The following C14orf39 variants were observed in gnomAD, a reference collection of about 807,000 sequenced individuals.
C14orf39 encodes the protein protein SIX6OS1.
C14orf39 carries 66 observed loss-of-function variants against 85.6 expected under a neutral mutation model. That is an observed-to-expected ratio of 0.77 (90% CI 0.63 to 0.95). The LOEUF (loss-of-function observed/expected upper bound fraction) is 0.95, where lower values mean the gene tolerates loss of function less well. Ranked by LOEUF, C14orf39 falls within the 40% of genes least tolerant of loss-of-function variation. The pLI is 0.00. For missense variants in C14orf39, 735 were observed against 663.9 expected (o/e 1.11, Z -1.18); for synonymous variants, 242 against 214.0 (o/e 1.13, Z -1.14).
intron 16 of C14orf39, among the ~76,000 whole-genome samples, chr14:60,446,038 G>A (rs2140034733): frequency 6.6e-6 from 1 of 152,274 alleles, no homozygotes; most frequent in Non-Finnish European, 1.5e-5. Context: ...AAACGTACCA[G>A]AATCTCTGGG....
Position 60,511,147 on chromosome 14 carries a change from G to C in C14orf39, c.-144+4248C>G, listed in dbSNP as rs140601427. 3.0e-4 allele frequency: 478 copies of C among 1,612,896 alleles called. No individual in the cohort carries two copies. The highest frequency in any genetic ancestry group is 3.8e-4 in the Non-Finnish European group (450 of 1,179,902). ...CACTACGGGCGGAGGGCGACGGCAC[G>C]CCAGAGGTGCTGGGCGTCGCCACCA... On this transcript the variant is annotated intron_variant, in intron 1 of 5. Transcript: ENST00000556799.
chr14:60,459,270 C>A (rs776178754), intron 13 of C14orf39, among the ~76,000 whole-genome samples: 67 of 151,848 alleles, frequency 4.4e-4, no homozygotes, highest in Admixed American at 5.9e-4. Flanking sequence ...CACAATACAT[C>A]TATCCATTCT....
At chr14:60,454,934 G>T (rs1891198361) in intron 16 of C14orf39, 67 bp downstream of exon 16, 2 of 1,262,094 alleles carry the variant, frequency 1.6e-6, no homozygotes, top group African/African-American at 3.1e-5. Context: ...TTGTATTAAA[G>T]AACTAAAATT....
At chr14:60,477,040 C>A (rs1172143883) in intron 5 of C14orf39, among the ~76,000 whole-genome samples, 1 of 152,178 alleles carries the variant, frequency 6.6e-6, no homozygotes, top group African/African-American at 2.4e-5. Context: ...TACTTCCCTG[C>A]AGCCTTGATT....
intron 16 of C14orf39, among the ~76,000 whole-genome samples, chr14:60,452,641 A>C (rs985661937): frequency 6.6e-6 from 1 of 152,148 alleles, no homozygotes; most frequent in Non-Finnish European, 1.5e-5. Flanking sequence ...TAAAATAACT[A>C]AAAGTATAAC....
intron 8 of C14orf39, 22 bp from the exon 9 acceptor site, chr14:60,468,558 C>A: frequency 2.9e-6 from 4 of 1,394,332 alleles, no homozygotes; most frequent in African/African-American, 1.5e-5. Flanking sequence ...ATTGGGAACA[C>A]AAAACAAAAT....
At chr14:60,447,147 G>A (rs915273438) in intron 16 of C14orf39, among the ~76,000 whole-genome samples, 5 of 152,282 alleles carry the variant, frequency 3.3e-5, no homozygotes, top group Non-Finnish European at 7.3e-5. Context: ...CACAAGACAA[G>A]GATGCCCTCT....
At chr14:60,481,855 T>A (rs184279633) in intron 4 of C14orf39, among the ~76,000 whole-genome samples, 1 of 152,184 alleles carries the variant, frequency 6.6e-6, no homozygotes, top group Non-Finnish European at 1.5e-5. Flanking sequence ...TTTTAAACAA[T>A]CCTTATTTGA....
At chr14:60,458,484 T>C (rs1891377602) in intron 14 of C14orf39, among the ~76,000 whole-genome samples, 194 bp downstream of exon 14, 1 of 151,968 alleles carries the variant, frequency 6.6e-6, no homozygotes, top group African/African-American at 2.4e-5. Flanking sequence ...AATATATTTT[T>C]GTATATTTTC....
intron 11 of C14orf39, among the ~76,000 whole-genome samples, chr14:60,464,270 C>T (rs1245941317): frequency 1.3e-5 from 2 of 152,110 alleles, no homozygotes; most frequent in East Asian, 1.9e-4. Context: ...GAAATAATGG[C>T]ATTGTTGAGA....
chr14:60,442,026 CTAA>C (rs774659553), intron 17 of C14orf39, 45 bp downstream of exon 17: 15 of 1,315,564 alleles, frequency 1.1e-5, no homozygotes, highest in Non-Finnish European at 1.6e-5. Context: ...AAATACTGTA[CTAA>C]TGAGTTAACA....
At chr14:60,474,330 A>C (rs1281985524) in intron 5 of C14orf39, among the ~76,000 whole-genome samples, 1 of 151,604 alleles carries the variant, frequency 6.6e-6, no homozygotes, top group African/African-American at 2.4e-5. Context: ...TAGATATACA[A>C]TCATGTCATC....
chr14:60,439,578 T>C (rs1890412176), intron 17 of C14orf39, among the ~76,000 whole-genome samples: 1 of 152,170 alleles, frequency 6.6e-6, no homozygotes, highest in Admixed American at 6.5e-5. Context: ...ATCAGGGACG[T>C]CAGAAGGAGA....
chr14:60,474,626 A>G (rs1435551268), intron 5 of C14orf39, among the ~76,000 whole-genome samples: 2 of 152,074 alleles, frequency 1.3e-5, no homozygotes, highest in Admixed American at 6.6e-5. Flanking sequence ...GTTGAATTTT[A>G]TCAAAGGCCT....
intron 1 of C14orf39, among the ~76,000 whole-genome samples, chr14:60,505,569 A>G (rs74572966): frequency 0.013 from 1,941 of 152,338 alleles, 18 homozygotes; most frequent in South Asian, 0.027. Context: ...GATCTCTTCC[A>G]AAGTCCAAAT....
chr14:60,461,703 T>A (rs971114854), intron 11 of C14orf39, 110 bp from the exon 12 acceptor site: 10 of 556,290 alleles, frequency 1.8e-5, no homozygotes, highest in Middle Eastern at 4.8e-4. Context: ...ATCCTTTCCA[T>A]CATTACCATC....
chr14:60,446,621 C>G (rs976120468), intron 16 of C14orf39, among the ~76,000 whole-genome samples: 1 of 152,176 alleles, frequency 6.6e-6, no homozygotes, highest in African/African-American at 2.4e-5. Context: ...ACCACAGGTA[C>G]AAAGAGGAGC....
intron 1 of C14orf39, chr14:60,509,356 C>G (rs768860283): frequency 6.4e-7 from 1 of 1,558,534 alleles, no homozygotes; most frequent in South Asian, 1.1e-5. Context: ...GCTGCGTGTC[C>G]CGCTCCGGGC....
intron 16 of C14orf39, among the ~76,000 whole-genome samples, chr14:60,452,046 G>T (rs990836435): frequency 6.6e-5 from 10 of 151,046 alleles, no homozygotes; most frequent in Admixed American, 2.0e-4. Context: ...AATTAGCCAG[G>T]CATGGTGGCA....
Sources: gnomAD v4.1 joint callset for allele counts (sites outside exome capture counted in the v4.1 genomes callset) on GRCh38, gnomAD v4.1.1 for gene constraint, MANE v1.5 for transcripts, NCBI Gene and HGNC (gene_info 2026-07-23, HGNC 2026-07-21) for gene names.